ABCD3: variants seen among roughly 807,000 people sequenced by gnomAD.
The protein encoded by ABCD3 is ATP-binding cassette sub-family D member 3.
A neutral mutation model predicts 105.5 loss-of-function variants in ABCD3; 41 were observed. The observed-to-expected ratio is 0.39, with a 90% CI of 0.30 to 0.50. The LOEUF is 0.50. Among genes scored for constraint, ABCD3 ranks in the 20% least tolerant of loss-of-function variants. The pLI is 0.84. For missense variants in ABCD3, 622 were observed against 806.3 expected (o/e 0.77, Z 2.77); for synonymous variants, 258 against 269.0 (o/e 0.96, Z 0.40).
At chr1:94,487,446 T>C in intron 10 of ABCD3, 96 bp from the exon 11 acceptor site, 1 of 1,081,422 alleles carries the variant, frequency 9.2e-7, no homozygotes, top group Non-Finnish European at 1.4e-6. Flanking sequence ...TAAATATTTG[T>C]TGAATAAATG....
Position 94,480,448 on chromosome 1 carries a change from C to T in ABCD3, c.685-16C>T, listed in dbSNP as rs1198175388. The T allele has an allele frequency of 6.2e-7, 1 of 1,613,594 alleles. No individual in the cohort carries two copies. The highest frequency in any genetic ancestry group is 8.5e-7 in the Non-Finnish European group (1 of 1,179,650). On this transcript the variant is annotated splice_polypyrimidine_tract_variant and intron_variant, in intron 8 of 22. Coordinates refer to ENST00000370214, the MANE Select transcript of ABCD3 (RefSeq NM_002858.4). ...ATCCCAGAACTTTGTGTATCTTTCT[C>T]TCCCAATAATAATAGGGCCCAGCGA...
At chr1:94,417,802 C>A (rs116519665), upstream of ABCD3, among the ~76,000 whole-genome samples, 867 of 152,338 alleles carry the variant, frequency 5.7e-3, 7 homozygotes, top group South Asian at 0.027. Flanking sequence ...TCCCGATCTA[C>A]CAAACCAATT....
chr1:94,411,171 A>G, the ABCD3 span, among the ~76,000 whole-genome samples: 2 of 152,220 alleles, frequency 1.3e-5, no homozygotes, highest in East Asian at 3.8e-4. Flanking sequence ...ATTAAAGGAC[A>G]CTATTAAGAC....
At chr1:94,484,812 T>A (rs1649207785) in intron 10 of ABCD3, among the ~76,000 whole-genome samples, 1 of 152,136 alleles carries the variant, frequency 6.6e-6, no homozygotes, top group Non-Finnish European at 1.5e-5. Flanking sequence ...AAATTAAGTG[T>A]ATTTTTACAG....
chr1:94,387,928 T>C, the ABCD3 span, among the ~76,000 whole-genome samples: 1 of 152,166 alleles, frequency 6.6e-6, no homozygotes, highest in Non-Finnish European at 1.5e-5. Flanking sequence ...CTTTCTGTTT[T>C]CCTGCACTGA....
At chr1:94,393,076 C>T in the ABCD3 span, among the ~76,000 whole-genome samples, 851 of 152,014 alleles carry the variant, frequency 5.6e-3, 5 homozygotes, top group Non-Finnish European at 8.2e-3. Context: ...CACACCACTC[C>T]AGCCTGGTGA....
chr1:94,475,640 A>G lies in ABCD3; in HGVS notation c.530A>G (p.Asn177Ser). 2 of 1,612,336 alleles carry G rather than the reference A, an allele frequency of 1.2e-6. No individual in the cohort carries two copies. Among genetic ancestry groups the G allele is most frequent in the South Asian group, 1.1e-5 (1 of 91,032 alleles). Reference protein sequence around the residue: ...LQAFTYYKMGNLDNRIANPDQ... With the variant: ...LQAFTYYKMGSLDNRIANPDQ... The stretch of plus-strand genomic sequence containing the variant: ...GCTTTCACATATTATAAAATGGGGA[A>G]TCTGGACAACAGAATAGCTAATCCA... The change falls in exon 7 of 23, where the codon AAT (asparagine) becomes AGT (serine). Residue 177 changes from asparagine (N) to serine (S), a missense_variant. Asn to Ser is a conservative substitution (Grantham distance 46). Transcript: ENST00000370214.
At chr1:94,470,619 A>G (rs368487823) in intron 4 of ABCD3, among the ~76,000 whole-genome samples, 3 of 151,520 alleles carry the variant, frequency 2.0e-5, no homozygotes, top group African/African-American at 7.3e-5. Flanking sequence ...CTCTTTTTCC[A>G]TCTAGAAACT....
At chr1:94,475,844 T>C in intron 7 of ABCD3, 107 bp downstream of exon 7, 1 of 850,776 alleles carries the variant, frequency 1.2e-6, no homozygotes, top group Non-Finnish European at 1.8e-6. Flanking sequence ...AGCATGTAAA[T>C]ATTTAATGCT....
chr1:94,472,115 A>C, intron 4 of ABCD3: 1 of 482,576 alleles, frequency 2.1e-6, no homozygotes, highest in East Asian at 1.5e-4. Context: ...AAACATTTGG[A>C]AGTTGTAGTG....
At chr1:94,386,348 C>T in the ABCD3 span, among the ~76,000 whole-genome samples, 41 of 152,172 alleles carry the variant, frequency 2.7e-4, no homozygotes, top group Admixed American at 2.0e-3. Flanking sequence ...AAACAATACG[C>T]GTAGAGTTTC....
the ABCD3 span, among the ~76,000 whole-genome samples, chr1:94,409,208 A>G: frequency 7.2e-5 from 11 of 152,318 alleles, no homozygotes; most frequent in South Asian, 2.3e-3. Flanking sequence ...TTTGAAAATA[A>G]CTAAAAGAGT....
intron 7 of ABCD3, among the ~76,000 whole-genome samples, chr1:94,476,801 C>T (rs932169870): frequency 1.2e-4 from 19 of 152,092 alleles, no homozygotes; most frequent in Admixed American, 2.6e-4. Flanking sequence ...ATCCCAAACT[C>T]GGGAACTCTG....
At chr1:94,458,439 T>C (rs986434667) in intron 1 of ABCD3, among the ~76,000 whole-genome samples, 168 bp from the exon 2 acceptor site, 1 of 152,252 alleles carries the variant, frequency 6.6e-6, no homozygotes, top group Non-Finnish European at 1.5e-5. Flanking sequence ...AAATAATGCC[T>C]AGTAAGAGTC....
intron 1 of ABCD3, among the ~76,000 whole-genome samples, chr1:94,443,254 G>A (rs1660197327): frequency 6.6e-6 from 1 of 152,018 alleles, no homozygotes; most frequent in African/African-American, 2.4e-5. Flanking sequence ...TGGCCCCTTT[G>A]TATGTCTTCT....
intron 1 of ABCD3, among the ~76,000 whole-genome samples, chr1:94,445,704 C>T (rs528254277): frequency 6.6e-6 from 1 of 152,248 alleles, no homozygotes; most frequent in South Asian, 2.1e-4. Context: ...CGAGCAGTGC[C>T]TCTTCAGTGC....
At chr1:94,482,491 A>G (rs1315048802) in intron 9 of ABCD3, 1 of 152,344 alleles carries the variant, frequency 6.6e-6, no homozygotes, top group Non-Finnish European at 1.5e-5. Context: ...GATAGGAGTT[A>G]TGATTTCAGC....
Position 94,459,998 on chromosome 1 carries a change from G to T in ABCD3, c.147+1355G>T, listed in dbSNP as rs142888607. 1.5e-3 allele frequency among the ~76,000 whole-genome samples: 226 copies of T among 152,172 alleles called. 1 individual carries two copies. Among genetic ancestry groups the T allele is most frequent in the African/African-American group, 5.1e-3 (211 of 41,528 alleles). On this transcript the variant is annotated intron_variant, in intron 2 of 22. Transcript: ENST00000370214. The stretch of plus-strand genomic sequence containing the variant: ...TGCATATACCACATTATGTTTATCA[G>T]TTCATCAGTTGGTGGACATTTAGGT...
chr1:94,488,429 A>G (rs984031387), intron 13 of ABCD3, among the ~76,000 whole-genome samples: 11 of 152,118 alleles, frequency 7.2e-5, no homozygotes, highest in African/African-American at 2.7e-4. Context: ...TTGTATCTGT[A>G]GGCGTGCTTG....
Sources: gnomAD v4.1 joint callset for allele counts (sites outside exome capture counted in the v4.1 genomes callset) on GRCh38, gnomAD v4.1.1 for gene constraint, MANE v1.5 for transcripts, NCBI Gene and HGNC (gene_info 2026-07-23, HGNC 2026-07-21) for gene names.